Variants in DDHD2 observed in about 807,000 individuals in gnomAD.
DDHD2 encodes triacylglycerol hydrolase DDHD2.
A neutral mutation model predicts 91.2 loss-of-function variants in DDHD2; 62 were observed. The ratio of observed to expected loss-of-function variants is 0.68; its 90% CI spans 0.55 to 0.84. The LOEUF (loss-of-function observed/expected upper bound fraction) is 0.84, where lower values mean the gene tolerates loss of function less well. Ranked by LOEUF, DDHD2 falls within the 40% of genes least tolerant of loss-of-function variation. The probability of loss-of-function intolerance (pLI) is 0.00; values close to 1 mark genes in which losing one functional copy is unlikely to be tolerated. For synonymous variants in DDHD2, 271 were observed against 293.9 expected (o/e 0.92, Z 0.80); for missense variants, 740 against 846.9 (o/e 0.87, Z 1.57).
intron 5 of DDHD2, chr8:38,238,797 A>G: frequency 1.7e-6 from 1 of 589,282 alleles, no homozygotes. Flanking sequence ...AGTTGCCTGG[A>G]TTCAATAACT....
intron 3 of DDHD2, 56 bp from the exon 4 acceptor site, chr8:38,237,482 T>G: frequency 1.3e-6 from 1 of 797,836 alleles, no homozygotes; most frequent in South Asian, 1.5e-5. Context: ...TGTTAATAGG[T>G]TCAGTTTAAT....
intron 10 of DDHD2, 147 bp downstream of exon 10, chr8:38,247,982 A>G (rs1411855858): frequency 4.7e-6 from 3 of 640,808 alleles, no homozygotes; most frequent in Non-Finnish European, 7.4e-6. Context: ...GCTTTTTATC[A>G]TATCAAGTGA....
At chr8:38,257,107 A>AT (rs541714553) in intron 16 of DDHD2, among the ~76,000 whole-genome samples, 11 of 151,398 alleles carry the variant, frequency 7.3e-5, no homozygotes, top group Non-Finnish European at 1.2e-4. Flanking sequence ...AATTTTTCAA[A>AT]TTTTTTTGTG....
In DDHD2 at chr8:38,234,701, C is replaced by G. The variant is rs1804566999; in HGVS notation, c.411+117C>G. 5.6e-6 allele frequency: 4 copies of G among 712,944 alleles called. No homozygotes were observed. The Middle Eastern group carries it at 1.2e-3, about 209-fold the overall frequency. The allele number at this position is 712,944 out of a possible 1,614,324, so 44.2% of individuals were successfully genotyped here. On this transcript the variant is annotated intron_variant, in intron 3 of 17. Transcript: ENST00000397166. ...AAAGACTTTGGTTCTGTCTGCATCA[C>G]ATTATAAAACATAATAAAGCATTTC... is the stretch of plus-strand genomic sequence containing the variant.
Position 38,233,036 on chromosome 8 carries a change from A to G in DDHD2, c.42A>G (p.Ser14=). The part of the protein sequence containing the change: ...VQSQQEQLSQ[S]DPSPSPNSCS... ...CACAACAGGAGCAGTTGTCCCAGTC[A>G]GATCCATCTCCGTCACCAAACTCAT... Residue 14 remains serine, a synonymous_variant, in exon 2 of 18, where the codon TCA becomes TCG. Coordinates refer to ENST00000397166, the MANE Select transcript of DDHD2 (RefSeq NM_015214.3). 2 of 1,614,216 alleles carry G rather than the reference A, an allele frequency of 1.2e-6. No individual in the cohort carries two copies. Among genetic ancestry groups the G allele is most frequent in the Middle Eastern group, 1.6e-4 (1 of 6,062 alleles).
At chr8:38,249,252 A>G (rs1805913579) in intron 10 of DDHD2, among the ~76,000 whole-genome samples, 1 of 151,796 alleles carries the variant, frequency 6.6e-6, no homozygotes, top group Non-Finnish European at 1.5e-5. Flanking sequence ...AGCTGGGAAT[A>G]CAGGTGACTG....
intron 6 of DDHD2, among the ~76,000 whole-genome samples, chr8:38,240,817 A>T (rs1805197466): frequency 1.3e-5 from 2 of 152,208 alleles, no homozygotes; most frequent in African/African-American, 4.8e-5. Context: ...TCACGCCTGT[A>T]ATCCCAGCAC....
chr8:38,235,871 G>GCACACA (rs1439175045), intron 3 of DDHD2, among the ~76,000 whole-genome samples: 274 of 50,428 alleles, frequency 5.4e-3, no homozygotes, highest in African/African-American at 0.017. Context: ...AAAAGTACAC[G>GCACACA]CGCACACACA....
At chr8:38,259,934 AAAAT>A in intron 16 of DDHD2, 102 bp from the exon 17 acceptor site, 1 of 743,856 alleles carries the variant, frequency 1.3e-6, no homozygotes, top group Non-Finnish European at 2.3e-6. Flanking sequence ...GCAGAAGTAA[AAAAT>A]AAACTTGCAA....
intron 1 of DDHD2, chr8:38,268,845 C>A: frequency 6.6e-7 from 1 of 1,509,294 alleles, no homozygotes; most frequent in Non-Finnish European, 8.8e-7. Context: ...GAAGCCGGGT[C>A]ATGGGGAGGG....
intron 1 of DDHD2, chr8:38,269,053 C>T: frequency 6.6e-7 from 1 of 1,525,524 alleles, no homozygotes; most frequent in African/African-American, 1.4e-5. Flanking sequence ...CCCCACTGCC[C>T]GACCCGCCGC....
rs1806964421 is a variant in DDHD2 at position 38,260,802 on chromosome 8, A to C, written c.*229A>C. The C allele has an allele frequency of 6.6e-6, 1 of 152,346 alleles. No individual in the cohort carries two copies. The highest frequency in any genetic ancestry group is 1.5e-5 in the Non-Finnish European group (1 of 68,014). The allele number at this position is 152,346 out of a possible 1,614,324, so 9.4% of individuals were successfully genotyped here. A position where few individuals can be genotyped will look rare whatever the true frequency, so the allele number is the denominator to read the frequency against. On this transcript the variant is annotated 3_prime_UTR_variant, in exon 18 of 18. Coordinates refer to ENST00000397166, the MANE Select transcript of DDHD2 (RefSeq NM_015214.3). ...CACTGGCTTCATATAAACACTTGCC[A>C]TTTTTTTCTGCATAGCTGGGGGTGG...
At chr8:38,266,224 C>A, downstream of DDHD2, 3 of 1,613,852 alleles carry the variant, frequency 1.9e-6, no homozygotes, top group South Asian at 3.3e-5. Flanking sequence ...GGCACAGAAC[C>A]TCCAAGATTT....
intron 1 of DDHD2, chr8:38,269,602 G>A (rs1808358638): frequency 4.7e-6 from 1 of 211,438 alleles, no homozygotes; most frequent in African/African-American, 2.3e-5. Flanking sequence ...CACTACCTGA[G>A]GTTGGCTGGA....
intron 1 of DDHD2, chr8:38,269,593 A>T (rs1178697109): frequency 4.4e-6 from 1 of 228,680 alleles, no homozygotes; most frequent in East Asian, 1.0e-4. Context: ...AGGAAGCTAC[A>T]CTACCTGAGG....
chr8:38,241,323 C>G (rs1585717245), intron 6 of DDHD2, among the ~76,000 whole-genome samples: 1 of 150,570 alleles, frequency 6.6e-6, no homozygotes, highest in Admixed American at 6.6e-5. Flanking sequence ...GTTATATTGT[C>G]ATGTGATTAA....
intron 6 of DDHD2, among the ~76,000 whole-genome samples, chr8:38,241,317 T>C (rs1161400519): frequency 3.9e-5 from 6 of 152,102 alleles, no homozygotes; most frequent in East Asian, 1.9e-4. Flanking sequence ...ACTGTTGTTA[T>C]ATTGTCATGT....
chr8:38,253,764 A>G lies in DDHD2; in HGVS notation c.2054+46A>G, dbSNP rs748233275. 15 of 1,579,478 alleles carry G rather than the reference A, an allele frequency of 9.5e-6. No homozygotes were observed. In the South Asian group the frequency reaches 1.5e-4, roughly 15 times the overall value. On this transcript the variant is annotated intron_variant, in intron 16 of 17. Transcript: ENST00000397166. ...TCTGTTTTGTTTGTTTACCTGTTTC[A>G]TAGATATTTGATAGATGTAGAAAAA...
downstream of DDHD2, chr8:38,267,007 G>A: frequency 7.3e-7 from 1 of 1,362,842 alleles, no homozygotes. Flanking sequence ...TTTATTGCTA[G>A]TACAAGATTG....
Sources: gnomAD v4.1 joint callset for allele counts (sites outside exome capture counted in the v4.1 genomes callset) on GRCh38, gnomAD v4.1.1 for gene constraint, MANE v1.5 for transcripts, NCBI Gene and HGNC (gene_info 2026-07-23, HGNC 2026-07-21) for gene names.